The following RNF170 variants were observed in gnomAD, a reference collection of about 807,000 sequenced individuals.
The protein encoded by RNF170 is ring finger protein 170.
Under a neutral mutation model 32.7 loss-of-function variants are expected in RNF170, and 12 were observed. That is an observed-to-expected ratio of 0.37 (90% confidence interval 0.24 to 0.60). RNF170 has a LOEUF of 0.60. RNF170 is among the 20% of genes least tolerant of loss of function. The pLI, the probability that RNF170 is intolerant of heterozygous loss-of-function variation, is 0.72. For missense variants in RNF170, 212 were observed against 311.2 expected (o/e 0.68, Z 2.40); for synonymous variants, 91 against 103.6 (o/e 0.88, Z 0.74).
At chr8:42,867,724 C>T (rs558540481) in intron 4 of RNF170, among the ~76,000 whole-genome samples, 24 of 130,514 alleles carry the variant, frequency 1.8e-4, no homozygotes, top group Non-Finnish European at 2.9e-4. Flanking sequence ...TGCAGTGAGC[C>T]GAGATCATGC....
intron 2 of RNF170, among the ~76,000 whole-genome samples, chr8:42,882,199 A>G (rs538276757): frequency 6.6e-6 from 1 of 152,338 alleles, no homozygotes; most frequent in East Asian, 1.9e-4. Flanking sequence ...AGGTTCCTTA[A>G]AATGTTAAAC....
intron 1 of RNF170, among the ~76,000 whole-genome samples, chr8:42,892,139 T>C (rs1029903127): frequency 3.7e-4 from 57 of 152,220 alleles, no homozygotes; most frequent in African/African-American, 1.3e-3. Context: ...CACCACAAAT[T>C]TCCTTCTTGA....
chr8:42,878,614 A>G (rs960788361), intron 2 of RNF170, among the ~76,000 whole-genome samples: 1 of 152,250 alleles, frequency 6.6e-6, no homozygotes, highest in Non-Finnish European at 1.5e-5. Flanking sequence ...AAGGAAAGAC[A>G]AAGTGCAAAC....
Position 42,892,227 on chromosome 8 carries a change from A to T in RNF170, c.-8+4257T>A, listed in dbSNP as rs549974965. 9.8e-5 allele frequency among the ~76,000 whole-genome samples: 15 copies of T among 152,352 alleles called. No homozygotes were observed. In the South Asian group the frequency reaches 3.1e-3, roughly 32 times the overall value. Reference sequence around the variant, plus strand: ...GAGACAGGGTCTTGTTCTGTCACCCAGGCTGGAGTGCAGTGGTGCACCCTT... The same window carrying T: ...GAGACAGGGTCTTGTTCTGTCACCCTGGCTGGAGTGCAGTGGTGCACCCTT... On this transcript the variant is annotated intron_variant, in intron 1 of 6. Transcript: ENST00000527424.
intron 1 of RNF170, among the ~76,000 whole-genome samples, chr8:42,894,922 T>C (rs1806641354): frequency 6.6e-6 from 1 of 151,972 alleles, no homozygotes. Context: ...AAAAGACCAT[T>C]GAGAATACTT....
intron 3 of RNF170, among the ~76,000 whole-genome samples, chr8:42,872,507 A>G (rs1804597198): frequency 6.6e-6 from 1 of 152,140 alleles, no homozygotes; most frequent in South Asian, 2.1e-4. Context: ...CAGTGGCGCA[A>G]TCTCAGCTCA....
intron 4 of RNF170, among the ~76,000 whole-genome samples, 197 bp downstream of exon 4, chr8:42,869,807 T>C (rs1586509307): frequency 6.6e-6 from 1 of 152,108 alleles, no homozygotes; most frequent in African/African-American, 2.4e-5. Context: ...ACACACTAAA[T>C]AGAAAATAAA....
chr8:42,870,059 G>T lies in RNF170; in HGVS notation c.267C>A (p.Ile89=), dbSNP rs927539608. Residue 89 remains isoleucine, a synonymous_variant, in exon 4 of 7, where the codon ATC becomes ATA. Transcript: ENST00000527424. The part of the protein sequence containing the change: ...QQFYTDMYCP[I]CLHQASFPVE... ...CCGGGAAGGAGGCTTGGTGCAGGCA[G>T]ATGGGACAGTACATGTCAGTGTAGA... 6.2e-7 allele frequency: 1 copy of T among 1,614,200 alleles called. No homozygotes were observed. Among genetic ancestry groups the T allele is most frequent in the Admixed American group, 1.7e-5 (1 of 60,028 alleles).
At chr8:42,887,294 A>T (rs1239750575) in intron 2 of RNF170, among the ~76,000 whole-genome samples, 1 of 151,844 alleles carries the variant, frequency 6.6e-6, no homozygotes, top group Non-Finnish European at 1.5e-5. Context: ...TCCGTCTCAA[A>T]AAATAAATAA....
chr8:42,893,547 C>T (rs1037378614), intron 1 of RNF170, among the ~76,000 whole-genome samples: 7 of 152,248 alleles, frequency 4.6e-5, no homozygotes, highest in Middle Eastern at 3.4e-3. Flanking sequence ...AACTGCCACT[C>T]TTTTTTGGGG....
At chr8:42,890,988 G>A (rs1806255354) in intron 1 of RNF170, among the ~76,000 whole-genome samples, 1 of 152,170 alleles carries the variant, frequency 6.6e-6, no homozygotes, top group African/African-American at 2.4e-5. Context: ...TTGGGGAGAT[G>A]ACATAATACC....
At position 42,854,435 on chromosome 8, in the gene RNF170, G is replaced by A. The variant is rs375099180; in HGVS notation, c.*1724C>T. On this transcript the variant is annotated 3_prime_UTR_variant, in exon 7 of 7. Transcript: ENST00000527424. Reference sequence around the variant, plus strand: ...GATTGTATCTATGAAAGGGAAGTTGGTGTCCTGCGTTCCTCACAAAATTAT... The same window carrying A: ...GATTGTATCTATGAAAGGGAAGTTGATGTCCTGCGTTCCTCACAAAATTAT... 3.9e-6 allele frequency: 5 copies of A among 1,287,018 alleles called. No homozygotes were observed. The African/African-American group carries it at 7.6e-5, about 20-fold the overall frequency. The allele number at this position is 1,287,018 out of a possible 1,614,324, so 79.7% of individuals were successfully genotyped here.
intron 5 of RNF170, among the ~76,000 whole-genome samples, chr8:42,862,550 T>C (rs1803739682): frequency 1.3e-5 from 2 of 152,174 alleles, no homozygotes; most frequent in African/African-American, 2.4e-5. Flanking sequence ...CACTAATGAT[T>C]GTATGATGAC....
chr8:42,894,330 G>A (rs1242483429), intron 1 of RNF170, among the ~76,000 whole-genome samples: 1 of 152,208 alleles, frequency 6.6e-6, no homozygotes, highest in Non-Finnish European at 1.5e-5. Flanking sequence ...AACCACAGTC[G>A]CTCCAGTAGG....
intron 2 of RNF170, 42 bp from the exon 3 acceptor site, chr8:42,874,048 T>C (rs761283424): frequency 1.7e-6 from 2 of 1,169,464 alleles, no homozygotes; most frequent in Non-Finnish European, 2.6e-6. Context: ...GAAAATATTA[T>C]CATATGAATC....
Position 42,854,915 on chromosome 8 carries a change from A to G in RNF170, c.*1244T>C. 7 of 1,287,268 alleles carry G rather than the reference A, an allele frequency of 5.4e-6. No individual in the cohort carries two copies. Among genetic ancestry groups the G allele is most frequent in the Non-Finnish European group, 7.1e-6 (7 of 988,702 alleles). The allele number at this position is 1,287,268 out of a possible 1,614,324, so 79.7% of individuals were successfully genotyped here. The stretch of plus-strand genomic sequence containing the variant: ...GAGCTGTGTGCTGCCATCCTGAGAC[A>G]GTATTATAAAAATTTCTGACAACAG... On this transcript the variant is annotated 3_prime_UTR_variant, in exon 7 of 7. Transcript: ENST00000527424.
intron 1 of RNF170, among the ~76,000 whole-genome samples, chr8:42,891,633 T>G (rs1367848092): frequency 6.6e-6 from 1 of 152,226 alleles, no homozygotes; most frequent in Non-Finnish European, 1.5e-5. Flanking sequence ...ATGTCTATAC[T>G]GACGAGCACT....
intron 1 of RNF170, 70 bp downstream of exon 1, chr8:42,896,414 G>A (rs972884713): frequency 2.9e-5 from 13 of 451,592 alleles, no homozygotes; most frequent in Non-Finnish European, 4.9e-5. Flanking sequence ...CCCCAAGAAG[G>A]CCAGACCCCG....
chr8:42,850,744 A>G, downstream of RNF170: 1 of 1,550,956 alleles, frequency 6.4e-7, no homozygotes, highest in Non-Finnish European at 8.7e-7. Flanking sequence ...CTTTTGCACT[A>G]CTTTTGCACT....
Sources: allele counts gnomAD v4.1 joint callset (sites outside exome capture counted in the v4.1 genomes callset), GRCh38; gene constraint gnomAD v4.1.1; transcripts MANE v1.5; gene names NCBI Gene and HGNC (gene_info 2026-07-23, HGNC 2026-07-21).